Variants in REPS1 observed in about 807,000 individuals in gnomAD.
REPS1 encodes ralBP1-associated Eps domain-containing protein 1.
A neutral mutation model predicts 100.9 loss-of-function variants in REPS1; 39 were observed. The observed-to-expected ratio is 0.39, with a 90% CI of 0.30 to 0.50. REPS1 has a LOEUF of 0.50. REPS1 is among the 20% of genes least tolerant of loss of function. The pLI is 0.86. For synonymous variants in REPS1, 324 were observed against 340.3 expected (o/e 0.95, Z 0.53); for missense variants, 821 against 968.5 (o/e 0.85, Z 2.02).
intron 1 of REPS1, among the ~76,000 whole-genome samples, chr6:138,973,626 T>C (rs764401203): frequency 7.0e-6 from 1 of 143,770 alleles, no homozygotes; most frequent in African/African-American, 2.6e-5. Context: ...CAGAGTGTAG[T>C]AGTTTAAAGC....
chr6:138,945,111 T>TA, intron 4 of REPS1, 108 bp downstream of exon 4: 1 of 951,042 alleles, frequency 1.1e-6, no homozygotes. Context: ...CACAAGCCTA[T>TA]AATCCCCACC....
intron 1 of REPS1, among the ~76,000 whole-genome samples, chr6:138,975,324 C>G (rs1784540943): frequency 6.6e-6 from 1 of 152,130 alleles, no homozygotes; most frequent in African/African-American, 2.4e-5. Context: ...AGAGCAAACC[C>G]TCAAATTAAT....
intron 8 of REPS1, among the ~76,000 whole-genome samples, chr6:138,935,260 A>G (rs1346875732): frequency 1.3e-5 from 2 of 152,214 alleles, no homozygotes; most frequent in African/African-American, 4.8e-5. Flanking sequence ...ACAAGATTTG[A>G]AAAGAAACAA....
intron 8 of REPS1, among the ~76,000 whole-genome samples, chr6:138,935,028 T>G (rs570495866): frequency 1.1e-4 from 17 of 152,358 alleles, no homozygotes; most frequent in African/African-American, 4.1e-4. Context: ...CTTTGTTTTT[T>G]CTTGAATGAT....
intron 1 of REPS1, among the ~76,000 whole-genome samples, chr6:138,972,681 A>AC (rs1784402009): frequency 3.1e-5 from 3 of 96,126 alleles, no homozygotes; most frequent in African/African-American, 1.8e-4. Context: ...CCACAATACC[A>AC]CTAAAAAAAA....
At chr6:138,920,337 A>C in intron 11 of REPS1, 21 bp from the exon 12 acceptor site, 1 of 1,303,166 alleles carries the variant, frequency 7.7e-7, no homozygotes, top group Non-Finnish European at 1.1e-6. Context: ...ATTAATAGGT[A>C]AAAATACAAG....
Position 138,969,269 on chromosome 6 carries a change from A to ATTTTTTTTTTTTTTTTTTTTT in REPS1, c.153+18240_153+18260dup, listed in dbSNP as rs71013004. Among the ~76,000 whole-genome samples the ATTTTTTTTTTTTTTTTTTTTT allele has an allele frequency of 2.2e-3, 164 of 74,240 alleles. 17 individuals carry two copies. The highest frequency in any genetic ancestry group is 3.2e-3 in the Non-Finnish European group (123 of 38,346). The allele number at this position is 74,240 out of a possible 152,430, so 48.7% of individuals were successfully genotyped here. A position where few individuals can be genotyped will look rare whatever the true frequency, so the allele number is the denominator to read the frequency against. Reference sequence around the variant, plus strand: ...ACACAATCTATGATACAAAGCTGTAATTTTTTTTTTTTTTTTTTTTTTTTT... The same window carrying ATTTTTTTTTTTTTTTTTTTTT: ...ACACAATCTATGATACAAAGCTGTAATTTTTTTTTTTTTTTTTTTTTTTTTTTTTTTTTTTTTTTTTTTTTT... On this transcript the variant is annotated intron_variant, in intron 1 of 19. Transcript: ENST00000450536.
chr6:138,943,450 T>G, intron 7 of REPS1, 63 bp downstream of exon 7: 1 of 999,302 alleles, frequency 1.0e-6, no homozygotes, highest in Non-Finnish European at 1.5e-6. Flanking sequence ...GGCTCTAAAA[T>G]CTATCTGCTA....
intron 12 of REPS1, among the ~76,000 whole-genome samples, chr6:138,919,290 C>G (rs1163798572): frequency 1.3e-5 from 2 of 152,252 alleles, no homozygotes; most frequent in East Asian, 3.9e-4. Context: ...CCACTGCTTG[C>G]ACCCTAGACA....
intron 1 of REPS1, among the ~76,000 whole-genome samples, chr6:138,971,126 G>T (rs1316491710): frequency 1.3e-5 from 2 of 152,150 alleles, no homozygotes; most frequent in Non-Finnish European, 2.9e-5. Context: ...TTCTCTCAGG[G>T]TTCAAAACTG....
intron 8 of REPS1, among the ~76,000 whole-genome samples, chr6:138,933,264 G>A (rs1781594112): frequency 6.6e-6 from 1 of 152,300 alleles, no homozygotes; most frequent in Non-Finnish European, 1.5e-5. Context: ...TATTAGGCCA[G>A]ATAGTAACTA....
intron 1 of REPS1, among the ~76,000 whole-genome samples, chr6:138,977,337 A>G (rs1338005206): frequency 6.6e-6 from 1 of 152,178 alleles, no homozygotes; most frequent in African/African-American, 2.4e-5. Flanking sequence ...TTTGACAGTT[A>G]GCATGTTGTT....
In REPS1 at chr6:138,988,147, C is replaced by T. The variant is rs556200549; in HGVS notation, c.-465G>A. 1.0e-5 allele frequency: 4 copies of T among 398,222 alleles called. No individual in the cohort carries two copies. Among genetic ancestry groups the T allele is most frequent in the Non-Finnish European group, 1.8e-5 (4 of 225,842 alleles). 24.7% of individuals were successfully genotyped at this position (398,222 alleles called of 1,614,324 possible). On this transcript the variant is annotated 5_prime_UTR_variant, in exon 1 of 20. Transcript: ENST00000450536. ...TCCCGGAAAGTTGTGGGGCTTCGAA[C>T]CTAAAGTTTCGGGGGATCTGGGCTG...
At chr6:138,966,485 G>A (rs186235850) in intron 1 of REPS1, among the ~76,000 whole-genome samples, 3 of 152,200 alleles carry the variant, frequency 2.0e-5, no homozygotes, top group Non-Finnish European at 1.5e-5. Flanking sequence ...AACTCGTAAC[G>A]TGTTAACTAA....
At chr6:138,909,802 CTT>C (rs10591298) in intron 17 of REPS1, among the ~76,000 whole-genome samples, 67,917 of 151,778 alleles carry the variant, frequency 0.45, 15,456 homozygotes, top group Admixed American at 0.55. Context: ...AATTAAATCT[CTT>C]TTGTTTATAA....
chr6:138,908,767 C>T lies in REPS1; in HGVS notation c.2117G>A (p.Arg706Lys), dbSNP rs139409152. Residue 706 changes from arginine to lysine, a missense_variant, in exon 18 of 20, where the codon AGA (arginine) becomes AAA (lysine). Physicochemically the swap from Arg to Lys is conservative, Grantham distance 26. Coordinates refer to ENST00000450536, the MANE Select transcript of REPS1 (RefSeq NM_001286611.2). ...CCTTAATTCATCTTCTGATTTTAAT[C>T]TTCTTCGAACAGGTTTAGGTGGTGG... ...LAPPPKPVRR[R>K]LKSEDELRPE... is the part of the protein sequence containing the mutation. 5.6e-6 allele frequency: 9 copies of T among 1,614,064 alleles called. No individual in the cohort carries two copies. The highest frequency in any genetic ancestry group is 7.6e-6 in the Non-Finnish European group (9 of 1,180,034).
intron 1 of REPS1, among the ~76,000 whole-genome samples, chr6:138,971,090 G>T (rs1002405858): frequency 2.0e-5 from 3 of 152,168 alleles, no homozygotes; most frequent in African/African-American, 7.2e-5. Flanking sequence ...ATCTTAGAGG[G>T]AAATGTACTT....
intron 1 of REPS1, among the ~76,000 whole-genome samples, chr6:138,969,096 C>T (rs1167404689): frequency 6.6e-6 from 1 of 151,902 alleles, no homozygotes; most frequent in Non-Finnish European, 1.5e-5. Context: ...GTTATTATAC[C>T]TAGTAGCATT....
intron 1 of REPS1, among the ~76,000 whole-genome samples, chr6:138,953,320 A>G (rs553999784): frequency 2.8e-4 from 42 of 152,312 alleles, no homozygotes; most frequent in Non-Finnish European, 1.9e-4. Context: ...AAGCATAGGC[A>G]ACAAAAGCAA....
Sources: gnomAD v4.1 joint callset for allele counts (sites outside exome capture counted in the v4.1 genomes callset) on GRCh38, gnomAD v4.1.1 for gene constraint, MANE v1.5 for transcripts, NCBI Gene and HGNC (gene_info 2026-07-23, HGNC 2026-07-21) for gene names.